Variants in CELSR3 observed in about 807,000 individuals in gnomAD.
The protein encoded by CELSR3 is cadherin EGF LAG seven-pass G-type receptor 3.
CELSR3 carries 73 observed loss-of-function variants against 270.0 expected under a neutral mutation model. The observed-to-expected ratio is 0.27, with a 90% CI of 0.22 to 0.33. The LOEUF (loss-of-function observed/expected upper bound fraction) is 0.33. CELSR3 is among the 10% of genes least tolerant of loss of function. CELSR3 has a pLI of 1.00. For missense variants in CELSR3, 3,614 were observed against 4,533.8 expected (o/e 0.80, Z 5.83); for synonymous variants, 1,780 against 1,905.4 (o/e 0.93, Z 1.71).
rs1393586318 is a variant in CELSR3, at chr3:48,652,001, G to T, written c.5799C>A (p.Pro1933=). 6.3e-7 allele frequency: 1 copy of T among 1,586,506 alleles called. No homozygotes were observed. Among genetic ancestry groups the T allele is most frequent in the Non-Finnish European group, 8.6e-7 (1 of 1,169,322 alleles). The stretch of plus-strand genomic sequence containing the variant: ...GCTCCGCATTCACTCGGTGGCTGGG[G>T]GGTAGCAGGGCCGGGGAGCCAGAGG... ...STPSGSPALL[P]PSHRVNAEPG... The change falls in exon 12 of 35, where the codon CCC becomes CCA. Residue 1933 remains proline, a synonymous_variant. Transcript: ENST00000164024. The surrounding 1 kb of genome is among the most constrained non-coding windows in gnomAD (Gnocchi z 4.3).
At position 48,658,750 on chromosome 3, in the gene CELSR3, G is replaced by C; in HGVS notation, c.3748+137C>G. On this transcript the variant is annotated intron_variant, in intron 1 of 34. Coordinates refer to ENST00000164024, the MANE Select transcript of CELSR3 (RefSeq NM_001407.3). The surrounding 1 kb of genome is among the most constrained non-coding windows in gnomAD (Gnocchi z 4.7). ...CCTTGTGAGGTCTGTGGCAGATCTTGTAGGGTGCAGGAACCCTACCCTTAA... is the reference window on the plus strand; with the variant it reads ...CCTTGTGAGGTCTGTGGCAGATCTTCTAGGGTGCAGGAACCCTACCCTTAA... The C allele has an allele frequency of 1.0e-6, 1 of 989,156 alleles. No individual in the cohort carries two copies. The highest frequency in any genetic ancestry group is 1.5e-6 in the Non-Finnish European group (1 of 675,086). 61.3% of individuals were successfully genotyped at this position (989,156 alleles called of 1,614,324 possible).
Position 48,640,669 on chromosome 3 carries a change from T to G in CELSR3, c.9026-110A>C. ...CCTTGGGATCCTTCCAACACAGGGATGGGAGCAGGAACCCCTTGGGGAGCA... is the reference window on the plus strand; with the variant it reads ...CCTTGGGATCCTTCCAACACAGGGAGGGGAGCAGGAACCCCTTGGGGAGCA... On this transcript the variant is annotated intron_variant, in intron 33 of 34. Transcript: ENST00000164024. This position sits in a 1 kb window ranked among gnomAD's most constrained non-coding sequence, Gnocchi z 7.5. 2.4e-6 allele frequency: 3 copies of G among 1,237,626 alleles called. No individual in the cohort carries two copies. Among genetic ancestry groups the G allele is most frequent in the Non-Finnish European group, 3.3e-6 (3 of 915,546 alleles). The allele number at this position is 1,237,626 out of a possible 1,614,324, so 76.7% of individuals were successfully genotyped here.
At position 48,660,676 on chromosome 3, in the gene CELSR3, G is replaced by A. The variant is rs756582995; in HGVS notation, c.1959C>T (p.Ser653=). The change falls in exon 1 of 35, where the codon AGC becomes AGT. Residue 653 remains serine (S), a synonymous_variant. Transcript: ENST00000164024. This position sits in a 1 kb window ranked among gnomAD's most constrained non-coding sequence, Gnocchi z 5.5. ...DINDHIPIFV[S]TPFQVSVLEN... is the part of the protein sequence containing the mutation. ...CCAAGACAGAAACTTGGAAGGGCGT[G>A]CTGACAAAAATAGGAATGTGGTCAT... The A allele has an allele frequency of 6.2e-7, 1 of 1,614,124 alleles. No individual in the cohort carries two copies. Among genetic ancestry groups the A allele is most frequent in the Non-Finnish European group, 8.5e-7 (1 of 1,180,038 alleles).
In CELSR3 at chr3:48,650,705, G is replaced by T. The variant is rs2047129518; in HGVS notation, c.6371-124C>A. On this transcript the variant is annotated intron_variant, in intron 15 of 34. Coordinates refer to ENST00000164024, the MANE Select transcript of CELSR3 (RefSeq NM_001407.3). The surrounding 1 kb of genome is among the most constrained non-coding windows in gnomAD (Gnocchi z 5.1). ...CGCCACTCCTGCTGGCTTCTCAGGAGCTGACCTGTCAGATTCTGTGACAGG... is the reference window on the plus strand; with the variant it reads ...CGCCACTCCTGCTGGCTTCTCAGGATCTGACCTGTCAGATTCTGTGACAGG... 1 of 1,041,160 alleles carries T rather than the reference G, an allele frequency of 9.6e-7. No individual in the cohort carries two copies. Among genetic ancestry groups the T allele is most frequent in the Non-Finnish European group, 1.4e-6 (1 of 718,832 alleles). 64.5% of individuals were successfully genotyped at this position (1,041,160 alleles called of 1,614,324 possible).
chr3:48,644,138 A>G lies in CELSR3; in HGVS notation c.8165+78T>C. 7 of 1,199,394 alleles carry G rather than the reference A, an allele frequency of 5.8e-6. No homozygotes were observed. The highest frequency in any genetic ancestry group is 7.3e-6 in the Non-Finnish European group (6 of 823,254). The allele number at this position is 1,199,394 out of a possible 1,614,324, so 74.3% of individuals were successfully genotyped here. ...CTTGGAGCCCAACCTGCACCAGGGA[A>G]GATCTGGGGGCCCCAGACCCCACCC... is the stretch of plus-strand genomic sequence containing the variant. On this transcript the variant is annotated intron_variant, in intron 27 of 34. Transcript: ENST00000164024. This position sits in a 1 kb window ranked among gnomAD's most constrained non-coding sequence, Gnocchi z 4.8.
In CELSR3 at chr3:48,637,941, G is replaced by A; in HGVS notation, c.*264C>T. The stretch of plus-strand genomic sequence containing the variant: ...CTCAAACCCCCCAGGAGACAGAAAA[G>A]CTGAAAAATAACATAAGCATCTCTC... On this transcript the variant is annotated 3_prime_UTR_variant, in exon 35 of 35. Transcript: ENST00000164024. The A allele has an allele frequency of 2.4e-6, 1 of 415,810 alleles. No homozygotes were observed. The highest frequency in any genetic ancestry group is 4.4e-6 in the Non-Finnish European group (1 of 228,354). 25.8% of individuals were successfully genotyped at this position (415,810 alleles called of 1,614,324 possible). A position where few individuals can be genotyped will look rare whatever the true frequency, so the allele number is the denominator to read the frequency against.
Position 48,641,315 on chromosome 3 carries a change from G to C in CELSR3, c.9025+9C>G, listed in dbSNP as rs1268557901. 1 of 1,586,242 alleles carries C rather than the reference G, an allele frequency of 6.3e-7. No homozygotes were observed. The highest frequency in any genetic ancestry group is 2.2e-5 in the East Asian group (1 of 44,780). On this transcript the variant is annotated intron_variant, in intron 33 of 34. Transcript: ENST00000164024. The surrounding 1 kb of genome is among the most constrained non-coding windows in gnomAD (Gnocchi z 4.8). ...GTCTGCGGTGTGGGCCAGGGCTCAG[G>C]GACTGTACCTTTCCTCTGGCGCTGG...
chr3:48,661,342 C>T lies in CELSR3; in HGVS notation c.1293G>A (p.Pro431=), dbSNP rs1203438334. The T allele has an allele frequency of 1.2e-6, 2 of 1,613,252 alleles. No individual in the cohort carries two copies. Among genetic ancestry groups the T allele is most frequent in the South Asian group, 1.1e-5 (1 of 91,088 alleles). ...CCCGGTACTGCGCTTGCTCAAAAAC[C>T]GGCGAGTGGTCGTTGCGGTCGGCTA... The part of the protein sequence containing the change: ...VTVADRNDHS[P]VFEQAQYRET... Residue 431 remains proline (P), a synonymous_variant, in exon 1 of 35, where the codon CCG becomes CCA. Coordinates refer to ENST00000164024, the MANE Select transcript of CELSR3 (RefSeq NM_001407.3).
chr3:48,651,746 T>A lies in CELSR3; in HGVS notation c.5924-28A>T, dbSNP rs2047139251. 1 of 1,534,598 alleles carries A rather than the reference T, an allele frequency of 6.5e-7. No homozygotes were observed. Among genetic ancestry groups the A allele is most frequent in the African/African-American group, 1.4e-5 (1 of 72,208 alleles). Reference sequence around the variant, plus strand: ...GCAGATTGGGTCAGAAAGCTCAGGATCCTGGTCGCAGAGCATGGAAGGAAG... The same window carrying A: ...GCAGATTGGGTCAGAAAGCTCAGGAACCTGGTCGCAGAGCATGGAAGGAAG... On this transcript the variant is annotated intron_variant, in intron 12 of 34. Coordinates refer to ENST00000164024, the MANE Select transcript of CELSR3 (RefSeq NM_001407.3). The surrounding 1 kb of genome is among the most constrained non-coding windows in gnomAD (Gnocchi z 7.4).
chr3:48,642,222 G>T lies in CELSR3; in HGVS notation c.8665+136C>A. 1 of 977,252 alleles carries T rather than the reference G, an allele frequency of 1.0e-6. No individual in the cohort carries two copies. The highest frequency in any genetic ancestry group is 1.5e-6 in the Non-Finnish European group (1 of 675,712). The allele number at this position is 977,252 out of a possible 1,614,324, so 60.5% of individuals were successfully genotyped here. On this transcript the variant is annotated intron_variant, in intron 31 of 34. Coordinates refer to ENST00000164024, the MANE Select transcript of CELSR3 (RefSeq NM_001407.3). The surrounding 1 kb of genome is among the most constrained non-coding windows in gnomAD (Gnocchi z 6.1). ...TGGGAGAACCAGGGCTGGAGAGGTAGGTGCCTCCTGAGGCAGGGACCCTGG... is the reference window on the plus strand; with the variant it reads ...TGGGAGAACCAGGGCTGGAGAGGTATGTGCCTCCTGAGGCAGGGACCCTGG...
chr3:48,640,476 A>T lies in CELSR3; in HGVS notation c.9109T>A (p.Leu3037Met), dbSNP rs776353091. The T allele has an allele frequency of 1.9e-6, 3 of 1,612,142 alleles. 1 individual carries two copies. The African/African-American group carries it at 4.0e-5, about 22-fold the overall frequency. ...PELSWCRAAT[L>M]GHRAVPAASY... ...GCAGCTGGCACAGCACGGTGGCCCA[A>T]GGTGGCTGCACGGCACCAGGACAGC... is the stretch of plus-strand genomic sequence containing the variant. Residue 3037 changes from leucine (L) to methionine (M), a missense_variant, in exon 34 of 35, where the codon TTG becomes ATG. By Grantham distance (15) the Leu-to-Met change is conservative. This residue lies in a region of CELSR3 where 1,240 missense variants were observed against 1,351.7 expected (regional missense o/e 0.92). Transcript: ENST00000164024. The surrounding 1 kb of genome is among the most constrained non-coding windows in gnomAD (Gnocchi z 7.5).
chr3:48,661,845 C>T lies in CELSR3; in HGVS notation c.790G>A (p.Glu264Lys), dbSNP rs1489995441. The T allele has an allele frequency of 3.7e-6, 6 of 1,610,232 alleles. No individual in the cohort carries two copies. In the African/African-American group the frequency reaches 6.7e-5, roughly 18 times the overall value. Reference protein sequence around the residue: ...TAPASGSAPRESRTAPEPAPK... With the variant: ...TAPASGSAPRKSRTAPEPAPK... ...GCCGGCTCGGGAGCTGTCCGAGACT[C>T]GCGGGGTGCTGAACCTGATGCAGGA... The change falls in exon 1 of 35, where the codon GAG (glutamate) becomes AAG (lysine). Residue 264 changes from glutamate to lysine, a missense_variant. By Grantham distance (56) the Glu-to-Lys change is moderately conservative. Transcript: ENST00000164024.
At position 48,645,731 on chromosome 3, in the gene CELSR3, C is replaced by A. The variant is rs377241093; in HGVS notation, c.7590+11G>T. 9.3e-6 allele frequency: 15 copies of A among 1,605,948 alleles called. No homozygotes were observed. The highest frequency in any genetic ancestry group is 6.7e-5 in the Admixed American group (4 of 59,860). ...CCCCCCACTTCCTTGGGACACTGAA[C>A]ACAGCCCCACCTCACGGGGAGAGGC... On this transcript the variant is annotated intron_variant, in intron 23 of 34. Coordinates refer to ENST00000164024, the MANE Select transcript of CELSR3 (RefSeq NM_001407.3). The surrounding 1 kb of genome is among the most constrained non-coding windows in gnomAD (Gnocchi z 5.4).
In CELSR3 at chr3:48,661,268, C is replaced by A. The variant is rs1416847653; in HGVS notation, c.1367G>T (p.Arg456Leu). 1 of 1,610,608 alleles carries A rather than the reference C, an allele frequency of 6.2e-7. No individual in the cohort carries two copies. Among genetic ancestry groups the A allele is most frequent in the Non-Finnish European group, 8.5e-7 (1 of 1,177,824 alleles). ...VEEGYPILQLRATDGDAPPNA... is the reference protein window; with the variant it reads ...VEEGYPILQLLATDGDAPPNA... ...GGGGGGCGCGTCGCCGTCAGTGGCA[C>A]GCAGCTGCAGGATAGGGTAGCCCTC... Residue 456 changes from arginine (R) to leucine (L), a missense_variant, in exon 1 of 35, where the codon CGT becomes CTT. Physicochemically the swap from Arg to Leu is moderately radical, Grantham distance 102. Transcript: ENST00000164024.
chr3:48,659,236 C>T lies in CELSR3; in HGVS notation c.3399G>A (p.Glu1133=), dbSNP rs748166607. ...ELTALIDLDY[E]ARQEYVIVVQ... ...CCACAATCACATATTCTTGGCGAGC[C>T]TCATAGTCTAGGTCAATGAGTGCCG... Residue 1133 remains glutamate (E), a synonymous_variant, in exon 1 of 35, where the codon GAG becomes GAA. Transcript: ENST00000164024. The surrounding 1 kb of genome is among the most constrained non-coding windows in gnomAD (Gnocchi z 8.1). 6.2e-7 allele frequency: 1 copy of T among 1,614,182 alleles called. No individual in the cohort carries two copies. Among genetic ancestry groups the T allele is most frequent in the Non-Finnish European group, 8.5e-7 (1 of 1,180,028 alleles).
rs917553527 is a variant in CELSR3, at chr3:48,639,060, C to T, written c.9911+614G>A. 6.6e-6 allele frequency among the ~76,000 whole-genome samples: 1 copy of T among 152,134 alleles called. No homozygotes were observed. Among genetic ancestry groups the T allele is most frequent in the East Asian group, 1.9e-4 (1 of 5,198 alleles). Reference sequence around the variant, plus strand: ...CGGACTCCTGTGTATCCAGCTATTTCCTGGGTCTGTCCGCCATCCCCTTCC... The same window carrying T: ...CGGACTCCTGTGTATCCAGCTATTTTCTGGGTCTGTCCGCCATCCCCTTCC... On this transcript the variant is annotated intron_variant, in intron 34 of 34. Coordinates refer to ENST00000164024, the MANE Select transcript of CELSR3 (RefSeq NM_001407.3). The surrounding 1 kb of genome is among the most constrained non-coding windows in gnomAD (Gnocchi z 4.1).
intron 20 of CELSR3, among the ~76,000 whole-genome samples, chr3:48,647,153 G>A (rs2047091543): frequency 2.9e-5 from 3 of 102,306 alleles, no homozygotes; most frequent in South Asian, 3.6e-4. Flanking sequence ...GGACAGTGGA[G>A]GGGAGATGTG....
In CELSR3 at chr3:48,642,612, A is replaced by C. The variant is rs1380201318; in HGVS notation, c.8555+124T>G. ...TGGGAAGCATTTAGGGCAGAGGCAG[A>C]AGCAGGGCCCCAGATGGCCAAGATG... is the stretch of plus-strand genomic sequence containing the variant. On this transcript the variant is annotated intron_variant, in intron 30 of 34. Transcript: ENST00000164024. This position sits in a 1 kb window ranked among gnomAD's most constrained non-coding sequence, Gnocchi z 6.1. 4.8e-6 allele frequency: 7 copies of C among 1,457,968 alleles called. No homozygotes were observed. Among genetic ancestry groups the C allele is most frequent in the Middle Eastern group, 2.3e-4 (1 of 4,414 alleles). 90.3% of individuals were successfully genotyped at this position (1,457,968 alleles called of 1,614,324 possible). A position where few individuals can be genotyped will look rare whatever the true frequency, so the allele number is the denominator to read the frequency against.
Position 48,645,197 on chromosome 3 carries a change from C to T in CELSR3, c.7810G>A (p.Ala2604Thr). 1 of 1,574,618 alleles carries T rather than the reference C, an allele frequency of 6.4e-7. No homozygotes were observed. The highest frequency in any genetic ancestry group is 8.7e-7 in the Non-Finnish European group (1 of 1,153,432). ...HRTHNQLVCT[A>T]VAILLHYFFL... ...AAGTAGTGCAGGAGGATGGCGACTGCAGTGCACACCAGCTGAGGGCAGGGG... is the reference window on the plus strand; with the variant it reads ...AAGTAGTGCAGGAGGATGGCGACTGTAGTGCACACCAGCTGAGGGCAGGGG... The change falls in exon 25 of 35, where the codon GCA becomes ACA. Residue 2604 changes from alanine to threonine, a missense_variant. Ala to Thr is a moderately conservative substitution (Grantham distance 58, BLOSUM62 0). This residue lies in a region of CELSR3 where 1,240 missense variants were observed against 1,351.7 expected (regional missense o/e 0.92). Coordinates refer to ENST00000164024, the MANE Select transcript of CELSR3 (RefSeq NM_001407.3). The surrounding 1 kb of genome is among the most constrained non-coding windows in gnomAD (Gnocchi z 5.4).
Sources: gnomAD v4.1 joint callset for allele counts (sites outside exome capture counted in the v4.1 genomes callset) on GRCh38, gnomAD v4.1.1 for gene constraint, gnomAD v4.1.1 regional missense constraint, Gnocchi (gnomAD v3.1) non-coding constraint, MANE v1.5 for transcripts, NCBI Gene and HGNC (gene_info 2026-07-23, HGNC 2026-07-21) for gene names.